RXFP4: variants seen among roughly 807,000 people sequenced by gnomAD.
RXFP4 encodes the protein relaxin-3 receptor 2.
For missense variants in RXFP4, 425 were observed against 491.3 expected, an observed-to-expected ratio of 0.87 and a Z score of 1.28; for synonymous variants, 182 against 218.0, an observed-to-expected ratio of 0.83 and a Z score of 1.45.
In RXFP4 at chr1:155,942,730, C is replaced by G. The variant is rs1295405595; in HGVS notation, c.1021C>G (p.Gln341Glu). 1 of 1,604,166 alleles carries G rather than the reference C, an allele frequency of 6.2e-7. No homozygotes were observed. The part of the protein sequence containing the change: ...LWPQGGGWVQ[Q>E]VALKQVGRRW... ...GCCCCAGGGCGGAGGCTGGGTGCAA[C>G]AGGTGGCCCTAAAGCAGGTAGGCAG... The change falls in exon 1 of 1, where the codon CAG (glutamine) becomes GAG (glutamate). Residue 341 changes from glutamine (Q) to glutamate (E), a missense_variant. Physicochemically the swap from Gln to Glu is conservative, Grantham distance 29. Transcript: ENST00000368318. The surrounding 1 kb of genome is among the most constrained non-coding windows in gnomAD (Gnocchi z 5.2).
chr1:155,942,298 A>G lies in RXFP4; in HGVS notation c.589A>G (p.Ser197Gly). The G allele has an allele frequency of 6.3e-7, 1 of 1,596,888 alleles. No homozygotes were observed. Among genetic ancestry groups the G allele is most frequent in the Middle Eastern group, 1.7e-4 (1 of 5,974 alleles). The change falls in exon 1 of 1, where the codon AGC becomes GGC. Residue 197 changes from serine (S) to glycine (G), a missense_variant. Ser to Gly is a moderately conservative substitution (Grantham distance 56). Transcript: ENST00000368318. This position sits in a 1 kb window ranked among gnomAD's most constrained non-coding sequence, Gnocchi z 5.2. ...GCGCCTTTGCCTGCTGCGTTTCCCC[A>G]GCAGGTACTGGCTGGGGGCCTACCA... ...GVRLCLLRFPSRYWLGAYQLQ... is the reference protein window; with the variant it reads ...GVRLCLLRFPGRYWLGAYQLQ...
Position 155,941,973 on chromosome 1 carries a change from G to C in RXFP4, c.264G>C (p.Leu88=), listed in dbSNP as rs1454797511. ...TCTTCAACCTGGCTCTGGCGGACCT[G>C]GGACTGGCACTCACTCTCCCCTTTT... ...TFVFNLALAD[L]GLALTLPFWA... is the part of the protein sequence containing the mutation. Residue 88 remains leucine, a synonymous_variant, in exon 1 of 1, where the codon CTG becomes CTC. Coordinates refer to ENST00000368318, the MANE Select transcript of RXFP4 (RefSeq NM_181885.3). The C allele has an allele frequency of 6.2e-7, 1 of 1,614,090 alleles. No homozygotes were observed. Among genetic ancestry groups the C allele is most frequent in the Non-Finnish European group, 8.5e-7 (1 of 1,180,040 alleles).
chr1:155,942,033 C>G lies in RXFP4; in HGVS notation c.324C>G (p.Pro108=). The G allele has an allele frequency of 1.9e-6, 3 of 1,612,038 alleles. No individual in the cohort carries two copies. The highest frequency in any genetic ancestry group is 2.5e-6 in the Non-Finnish European group (3 of 1,180,032). ...AAESALDFHW[P]FGGALCKMVL... is the part of the protein sequence containing the mutation. ...AGTCGGCACTGGACTTTCACTGGCC[C>G]TTCGGAGGTGCCCTCTGCAAGATGG... is the stretch of plus-strand genomic sequence containing the variant. The change falls in exon 1 of 1, where the codon CCC becomes CCG. Residue 108 remains proline, a synonymous_variant. Transcript: ENST00000368318. This position sits in a 1 kb window ranked among gnomAD's most constrained non-coding sequence, Gnocchi z 5.2.
Position 155,942,083 on chromosome 1 carries a change from T to A in RXFP4, c.374T>A (p.Val125Asp). The A allele has an allele frequency of 6.2e-7, 1 of 1,611,746 alleles. No individual in the cohort carries two copies. Among genetic ancestry groups the A allele is most frequent in the Non-Finnish European group, 8.5e-7 (1 of 1,179,994 alleles). ...KMVLTATVLN[V>D]YASIFLITAL... ...GTTCTGACGGCCACTGTCCTCAACG[T>A]CTATGCCAGCATCTTCCTCATCACA... The change falls in exon 1 of 1, where the codon GTC becomes GAC. Residue 125 changes from valine (V) to aspartate (D), a missense_variant. By Grantham distance (152) the Val-to-Asp change is radical. Transcript: ENST00000368318. This position sits in a 1 kb window ranked among gnomAD's most constrained non-coding sequence, Gnocchi z 5.2.
chr1:155,942,406 C>A lies in RXFP4; in HGVS notation c.697C>A (p.Arg233=), dbSNP rs148204679. The change falls in exon 1 of 1, where the codon CGG becomes AGG. Residue 233 remains arginine (R), a synonymous_variant. Coordinates refer to ENST00000368318, the MANE Select transcript of RXFP4 (RefSeq NM_181885.3). This position sits in a 1 kb window ranked among gnomAD's most constrained non-coding sequence, Gnocchi z 5.2. ...SYLLLLAFLQ[R]RQRRRQDSRV... ...CCTGCTGCTGCTGGCCTTCCTGCAG[C>A]GGCGGCAACGGCGGCGGCAGGACAG... The A allele has an allele frequency of 1.9e-6, 3 of 1,551,722 alleles. No homozygotes were observed. Among genetic ancestry groups the A allele is most frequent in the Admixed American group, 1.9e-5 (1 of 53,844 alleles).
rs377552488 is a variant in RXFP4 at position 155,941,932 on chromosome 1, C to T, written c.223C>T (p.Pro75Ser). 6.2e-7 allele frequency: 1 copy of T among 1,614,196 alleles called. No individual in the cohort carries two copies. The stretch of plus-strand genomic sequence containing the variant: ...CTGTGCCCGGAGAGCCCCTGGCCCA[C>T]CTTCAGACACCTTCGTCTTCAACCT... ...SNCARRAPGP[P>S]SDTFVFNLAL... is the part of the protein sequence containing the mutation. The change falls in exon 1 of 1, where the codon CCT becomes TCT. Residue 75 changes from proline to serine, a missense_variant. Coordinates refer to ENST00000368318, the MANE Select transcript of RXFP4 (RefSeq NM_181885.3).
In RXFP4 at chr1:155,942,158, G is replaced by GCACCCA; in HGVS notation, c.451_456dup (p.Thr151_His152dup). On this transcript the variant is annotated inframe_insertion, in exon 1 of 1. Coordinates refer to ENST00000368318, the MANE Select transcript of RXFP4 (RefSeq NM_181885.3). This position sits in a 1 kb window ranked among gnomAD's most constrained non-coding sequence, Gnocchi z 5.2. ...GTGGTGGCCATGGCTGCGGGGCCAG[G>GCACCCA]CACCCACCTCTCACTCTTCTGGGCC... is the stretch of plus-strand genomic sequence containing the variant. 1 of 1,613,778 alleles carries GCACCCA rather than the reference G, an allele frequency of 6.2e-7. No homozygotes were observed. Among genetic ancestry groups the GCACCCA allele is most frequent in the African/African-American group, 1.3e-5 (1 of 75,066 alleles).
chr1:155,941,897 T>C lies in RXFP4; in HGVS notation c.188T>C (p.Val63Ala), dbSNP rs760717759. 1 of 1,614,142 alleles carries C rather than the reference T, an allele frequency of 6.2e-7. No individual in the cohort carries two copies. Among genetic ancestry groups the C allele is most frequent in the South Asian group, 1.1e-5 (1 of 91,086 alleles). The change falls in exon 1 of 1, where the codon GTA (valine) becomes GCA (alanine). Residue 63 changes from valine to alanine, a missense_variant. Transcript: ENST00000368318. ...GLLGNLAVLW[V>A]LSNCARRAPG... is the part of the protein sequence containing the mutation. ...CTGGGAAATTTGGCGGTGCTGTGGG[T>C]ACTGAGTAACTGTGCCCGGAGAGCC... is the stretch of plus-strand genomic sequence containing the variant.
Position 155,942,546 on chromosome 1 carries a change from G to T in RXFP4, c.837G>T (p.Trp279Cys). 6.2e-7 allele frequency: 1 copy of T among 1,614,162 alleles called. No homozygotes were observed. The part of the protein sequence containing the change: ...GVLVKFDLVP[W>C]NSTFYTIQTY... ...TGGTGAAGTTTGACCTGGTGCCCTGGAACAGTACTTTCTATACTATCCAGA... is the reference window on the plus strand; with the variant it reads ...TGGTGAAGTTTGACCTGGTGCCCTGTAACAGTACTTTCTATACTATCCAGA... The change falls in exon 1 of 1, where the codon TGG becomes TGT. Residue 279 changes from tryptophan (W) to cysteine (C), a missense_variant. Transcript: ENST00000368318. This position sits in a 1 kb window ranked among gnomAD's most constrained non-coding sequence, Gnocchi z 5.2.
rs1164645602 is a variant in RXFP4, at chr1:155,942,322, C to T, written c.613C>T (p.Gln205Ter). ...CAGCAGGTACTGGCTGGGGGCCTAC[C>T]AGCTGCAGAGGGTGGTGCTGGCTTT... ...FPSRYWLGAY[Q>*]LQRVVLAFMV... is the part of the protein sequence containing the mutation. The change falls in exon 1 of 1, where the codon CAG becomes TAG. Residue 205 changes from glutamine to a stop codon, truncating the protein, a stop_gained. Transcript: ENST00000368318. LOFTEE classifies it low-confidence loss of function (END_TRUNC). This position sits in a 1 kb window ranked among gnomAD's most constrained non-coding sequence, Gnocchi z 5.2. 1.3e-6 allele frequency: 2 copies of T among 1,576,436 alleles called. No homozygotes were observed. Among genetic ancestry groups the T allele is most frequent in the African/African-American group, 2.7e-5 (2 of 74,320 alleles).
rs1175067298 is a variant in RXFP4, at chr1:155,942,776, C to T, written c.1067C>T (p.Pro356Leu). ...QVGRRWVASN[P>L]RESRPSTLLT... ...GGCAGGCGGTGGGTCGCAAGCAACC[C>T]CCGGGAGAGCCGCCCTTCTACCCTG... is the stretch of plus-strand genomic sequence containing the variant. Residue 356 changes from proline to leucine, a missense_variant, in exon 1 of 1, where the codon CCC (proline) becomes CTC (leucine). Physicochemically the swap from Pro to Leu is moderately conservative, Grantham distance 98. Transcript: ENST00000368318. This position sits in a 1 kb window ranked among gnomAD's most constrained non-coding sequence, Gnocchi z 5.2. The T allele has an allele frequency of 6.4e-7, 1 of 1,566,524 alleles. No homozygotes were observed. Among genetic ancestry groups the T allele is most frequent in the Non-Finnish European group, 8.6e-7 (1 of 1,161,596 alleles).
rs766725159 is a variant in RXFP4, at chr1:155,942,877, G to A, written c.*43G>A. 2.0e-6 allele frequency: 3 copies of A among 1,482,346 alleles called. No individual in the cohort carries two copies. Among genetic ancestry groups the A allele is most frequent in the East Asian group, 2.3e-5 (1 of 43,296 alleles). The allele number at this position is 1,482,346 out of a possible 1,614,324, so 91.8% of individuals were successfully genotyped here. A position where few individuals can be genotyped will look rare whatever the true frequency, so the allele number is the denominator to read the frequency against. On this transcript the variant is annotated 3_prime_UTR_variant, in exon 1 of 1. Coordinates refer to ENST00000368318, the MANE Select transcript of RXFP4 (RefSeq NM_181885.3). This position sits in a 1 kb window ranked among gnomAD's most constrained non-coding sequence, Gnocchi z 5.2. ...CACTCCTCTTTCTGAGATCCACCAAGTGTAGGATCCTTGAGTCCTGGGGAG... is the reference window on the plus strand; with the variant it reads ...CACTCCTCTTTCTGAGATCCACCAAATGTAGGATCCTTGAGTCCTGGGGAG...
At position 155,941,891 on chromosome 1, in the gene RXFP4, T is replaced by C. The variant is rs368685840; in HGVS notation, c.182T>C (p.Leu61Pro). ...AIGLLGNLAV[L>P]WVLSNCARRA... ...GGCTTGCTGGGAAATTTGGCGGTGC[T>C]GTGGGTACTGAGTAACTGTGCCCGG... The change falls in exon 1 of 1, where the codon CTG becomes CCG. Residue 61 changes from leucine to proline, a missense_variant. Leu to Pro is a moderately conservative substitution (Grantham distance 98). Coordinates refer to ENST00000368318, the MANE Select transcript of RXFP4 (RefSeq NM_181885.3). 2 of 1,614,240 alleles carry C rather than the reference T, an allele frequency of 1.2e-6. No homozygotes were observed. The highest frequency in any genetic ancestry group is 1.7e-6 in the Non-Finnish European group (2 of 1,180,040).
In RXFP4 at chr1:155,942,869, TCCA is replaced by T. The variant is rs1674342726; in HGVS notation, c.*39_*41del. ...GCTGAACACACTCCTCTTTCTGAGA[TCCA>T]CCAAGTGTAGGATCCTTGAGTCCTG... is the stretch of plus-strand genomic sequence containing the variant. On this transcript the variant is annotated 3_prime_UTR_variant, in exon 1 of 1. Coordinates refer to ENST00000368318, the MANE Select transcript of RXFP4 (RefSeq NM_181885.3). This position sits in a 1 kb window ranked among gnomAD's most constrained non-coding sequence, Gnocchi z 5.2. 5 of 1,489,484 alleles carry T rather than the reference TCCA, an allele frequency of 3.4e-6. No homozygotes were observed. The highest frequency in any genetic ancestry group is 3.6e-6 in the Non-Finnish European group (4 of 1,126,058). The allele number at this position is 1,489,484 out of a possible 1,614,324, so 92.3% of individuals were successfully genotyped here.
rs2152051 is a variant in RXFP4 at position 155,942,695 on chromosome 1, T to C, written c.986T>C (p.Leu329Ser). The change falls in exon 1 of 1, where the codon TTG becomes TCG. Residue 329 changes from leucine (L) to serine (S), a missense_variant. Leu to Ser is a moderately radical substitution (Grantham distance 145). Coordinates refer to ENST00000368318, the MANE Select transcript of RXFP4 (RefSeq NM_181885.3). This position sits in a 1 kb window ranked among gnomAD's most constrained non-coding sequence, Gnocchi z 5.2. ...ALAGTFRDLR[L>S]RLWPQGGGWV... is the part of the protein sequence containing the mutation. ...GCAGGCACCTTCAGGGATCTGCGGT[T>C]GAGGCTGTGGCCCCAGGGCGGAGGC... 0.99 allele frequency: 1,593,233 copies of C among 1,611,572 alleles called. 788,951 individuals carry two copies. The highest frequency in any genetic ancestry group is 1 in the East Asian group (44,867 of 44,878).
chr1:155,941,846 A>C lies in RXFP4; in HGVS notation c.137A>C (p.Tyr46Ser). 6.2e-7 allele frequency: 1 copy of C among 1,614,168 alleles called. No homozygotes were observed. The highest frequency in any genetic ancestry group is 1.1e-5 in the South Asian group (1 of 91,082). Residue 46 changes from tyrosine to serine, a missense_variant, in exon 1 of 1, where the codon TAT becomes TCT. Tyr to Ser is a moderately radical substitution (Grantham distance 144). Transcript: ENST00000368318. ...CTGAGGCTCATGGTTGCCCTGGCCTATGGGCTTGTGGGGGCCATTGGCTTG... is the reference window on the plus strand; with the variant it reads ...CTGAGGCTCATGGTTGCCCTGGCCTCTGGGCTTGTGGGGGCCATTGGCTTG... ...LALRLMVALA[Y>S]GLVGAIGLLG...
chr1:155,941,683 A>T lies in RXFP4; in HGVS notation c.-27A>T. Reference sequence around the variant, plus strand: ...CAGACACTTGCAGACCTCTCTTCTCAGCACCACCAATCTCTGATGCCCTGC... The same window carrying T: ...CAGACACTTGCAGACCTCTCTTCTCTGCACCACCAATCTCTGATGCCCTGC... On this transcript the variant is annotated 5_prime_UTR_variant, in exon 1 of 1. Transcript: ENST00000368318. The T allele has an allele frequency of 2.5e-6, 4 of 1,605,744 alleles. No homozygotes were observed. Among genetic ancestry groups the T allele is most frequent in the Non-Finnish European group, 3.4e-6 (4 of 1,174,576 alleles).
chr1:155,941,828 T>A lies in RXFP4; in HGVS notation c.119T>A (p.Leu40His). 6.2e-7 allele frequency: 1 copy of A among 1,614,228 alleles called. No individual in the cohort carries two copies. ...PMPVKFLALR[L>H]MVALAYGLVG... The stretch of plus-strand genomic sequence containing the variant: ...CCTGTCAAATTCCTAGCCCTGAGGC[T>A]CATGGTTGCCCTGGCCTATGGGCTT... Residue 40 changes from leucine to histidine, a missense_variant, in exon 1 of 1, where the codon CTC becomes CAC. Leu to His is a moderately conservative substitution (Grantham distance 99). Coordinates refer to ENST00000368318, the MANE Select transcript of RXFP4 (RefSeq NM_181885.3).
rs1674321367 is a variant in RXFP4 at position 155,942,033 on chromosome 1, C to T, written c.324C>T (p.Pro108=). 6.2e-7 allele frequency: 1 copy of T among 1,612,038 alleles called. No homozygotes were observed. The highest frequency in any genetic ancestry group is 1.1e-5 in the South Asian group (1 of 91,092). Residue 108 remains proline, a synonymous_variant, in exon 1 of 1, where the codon CCC becomes CCT. Coordinates refer to ENST00000368318, the MANE Select transcript of RXFP4 (RefSeq NM_181885.3). The surrounding 1 kb of genome is among the most constrained non-coding windows in gnomAD (Gnocchi z 5.2). ...AGTCGGCACTGGACTTTCACTGGCC[C>T]TTCGGAGGTGCCCTCTGCAAGATGG... ...AAESALDFHW[P]FGGALCKMVL...
Sources: gnomAD v4.1 joint callset for allele counts on GRCh38, gnomAD v4.1.1 for gene constraint, Gnocchi (gnomAD v3.1) non-coding constraint, MANE v1.5 for transcripts, NCBI Gene and HGNC (gene_info 2026-07-23, HGNC 2026-07-21) for gene names.